Variants in FAM135A observed in about 807,000 individuals in gnomAD.
The protein encoded by FAM135A is family with sequence similarity 135 member A.
Under a neutral mutation model 146.8 loss-of-function variants are expected in FAM135A, and 79 were observed. That is an observed-to-expected ratio of 0.54 (90% CI 0.45 to 0.65). FAM135A has a LOEUF of 0.65. FAM135A is among the 30% of genes least tolerant of loss of function. FAM135A has a pLI of 0.00. For missense variants in FAM135A, 1,623 were observed against 1,758.2 expected, an observed-to-expected ratio of 0.92 and a Z score of 1.38; for synonymous variants, 562 against 603.6, an observed-to-expected ratio of 0.93 and a Z score of 1.01.
chr6:70,528,954 T>C (rs1795261012), intron 16 of FAM135A, among the ~76,000 whole-genome samples: 1 of 151,846 alleles, frequency 6.6e-6, no homozygotes, highest in African/African-American at 2.4e-5. Context: ...TTTCTGTTCC[T>C]GTGTTAGTTT....
chr6:70,450,503 A>G (rs1002571122), intron 4 of FAM135A, among the ~76,000 whole-genome samples: 1 of 152,034 alleles, frequency 6.6e-6, no homozygotes, highest in East Asian at 1.9e-4. Context: ...AGTTTTCCCC[A>G]CACCATTTAT....
chr6:70,464,404 T>G (rs1331457381), intron 5 of FAM135A, among the ~76,000 whole-genome samples: 1 of 152,190 alleles, frequency 6.6e-6, no homozygotes, highest in East Asian at 1.9e-4. Flanking sequence ...GCCTACTATG[T>G]GTGAGACCTA....
intron 4 of FAM135A, among the ~76,000 whole-genome samples, chr6:70,444,979 A>G (rs920856422): frequency 6.6e-6 from 1 of 152,232 alleles, no homozygotes; most frequent in Non-Finnish European, 1.5e-5. Flanking sequence ...CTATTTTAAA[A>G]TCGTAATTAT....
chr6:70,445,856 G>A (rs113870111), intron 4 of FAM135A, among the ~76,000 whole-genome samples: 23,145 of 152,088 alleles, frequency 0.15, 1,961 homozygotes, highest in Middle Eastern at 0.2. Flanking sequence ...GGGCGGGGGG[G>A]GCTGTTCCCA....
intron 12 of FAM135A, among the ~76,000 whole-genome samples, chr6:70,505,953 T>C (rs898820676): frequency 6.6e-6 from 1 of 152,172 alleles, no homozygotes. Flanking sequence ...AAAAGGATTC[T>C]ACAATGGATA....
intron 4 of FAM135A, among the ~76,000 whole-genome samples, chr6:70,437,526 A>G (rs1438393213): frequency 6.6e-6 from 1 of 152,166 alleles, no homozygotes; most frequent in Non-Finnish European, 1.5e-5. Flanking sequence ...AAGATCCTGA[A>G]ATAATGAAAC....
intron 2 of FAM135A, among the ~76,000 whole-genome samples, chr6:70,422,332 C>G (rs1002583840): frequency 6.6e-6 from 1 of 152,178 alleles, no homozygotes; most frequent in Admixed American, 6.5e-5. Context: ...CTCCAACAGT[C>G]CTCTGAATTT....
At chr6:70,518,161 A>T (rs753432866) in intron 12 of FAM135A, among the ~76,000 whole-genome samples, 38 of 152,320 alleles carry the variant, frequency 2.5e-4, no homozygotes, top group African/African-American at 9.1e-4. Flanking sequence ...TAATGGAACG[A>T]TAAGAAAGTG....
chr6:70,506,020 C>G (rs1171040008), intron 12 of FAM135A, among the ~76,000 whole-genome samples: 2 of 152,096 alleles, frequency 1.3e-5, no homozygotes, highest in Non-Finnish European at 2.9e-5. Context: ...CTTAATGTAG[C>G]AATTTAGAAT....
intron 5 of FAM135A, among the ~76,000 whole-genome samples, chr6:70,471,726 G>GTT (rs1781654099): frequency 6.6e-6 from 1 of 152,066 alleles, no homozygotes; most frequent in South Asian, 2.1e-4. Context: ...GAACTTAAAA[G>GTT]TTGCAAATTT....
At chr6:70,469,929 T>TGC (rs929920870) in intron 5 of FAM135A, among the ~76,000 whole-genome samples, 1 of 151,890 alleles carries the variant, frequency 6.6e-6, no homozygotes, top group African/African-American at 2.4e-5. Flanking sequence ...AGGTCAAGAC[T>TGC]GCACTGAGCC....
intron 12 of FAM135A, among the ~76,000 whole-genome samples, chr6:70,509,651 T>C (rs868266353): frequency 6.6e-6 from 1 of 152,194 alleles, no homozygotes; most frequent in Non-Finnish European, 1.5e-5. Flanking sequence ...TTTATAAATG[T>C]TAACTCATTT....
At chr6:70,513,041 C>G (rs1047888228) in intron 12 of FAM135A, among the ~76,000 whole-genome samples, 1 of 151,274 alleles carries the variant, frequency 6.6e-6, no homozygotes, top group Non-Finnish European at 1.5e-5. Context: ...TTTTCTGACT[C>G]TATGGAATTG....
At chr6:70,517,415 CT>C (rs746307665) in intron 12 of FAM135A, among the ~76,000 whole-genome samples, 4,886 of 127,072 alleles carry the variant, frequency 0.038, 174 homozygotes, top group African/African-American at 0.089. Context: ...CGTCTTTTTC[CT>C]TTTTTTTTTT....
At chr6:70,545,677 A>C (rs1179000470) in intron 20 of FAM135A, among the ~76,000 whole-genome samples, 1 of 152,244 alleles carries the variant, frequency 6.6e-6, no homozygotes, top group South Asian at 2.1e-4. Flanking sequence ...ATACTAAAAT[A>C]CTGGAAAAAT....
intron 8 of FAM135A, among the ~76,000 whole-genome samples, chr6:70,480,473 ATTTTTC>A (rs1783486947): frequency 6.6e-6 from 1 of 152,098 alleles, no homozygotes; most frequent in Non-Finnish European, 1.5e-5. Context: ...AGATTTAGTA[ATTTTTC>A]TTTTTCTACA....
chr6:70,442,319 G>T (rs1021544469), intron 4 of FAM135A, among the ~76,000 whole-genome samples: 1 of 144,702 alleles, frequency 6.9e-6, no homozygotes, highest in South Asian at 2.2e-4. Flanking sequence ...ATCACTTGAA[G>T]TATTTCTCTG....
intron 4 of FAM135A, among the ~76,000 whole-genome samples, chr6:70,436,643 A>G (rs1488997625): frequency 6.6e-6 from 1 of 152,206 alleles, no homozygotes; most frequent in Non-Finnish European, 1.5e-5. Flanking sequence ...GAAAATCATA[A>G]TTGCCAATGT....
At chr6:70,495,818 T>C (rs1043667761) in intron 11 of FAM135A, among the ~76,000 whole-genome samples, 2 of 152,096 alleles carry the variant, frequency 1.3e-5, no homozygotes, top group Non-Finnish European at 2.9e-5. Flanking sequence ...CCCTGGTGTG[T>C]GATGTTCCCC....
Sources: gnomAD v4.1 joint callset for allele counts (sites outside exome capture counted in the v4.1 genomes callset) on GRCh38, gnomAD v4.1.1 for gene constraint, MANE v1.5 for transcripts, NCBI Gene and HGNC (gene_info 2026-07-23, HGNC 2026-07-21) for gene names.